Variants in DNAI7 observed in about 807,000 individuals in gnomAD.
DNAI7 encodes cancer susceptibility 1.
DNAI7 carries 78 observed loss-of-function variants against 86.6 expected under a neutral mutation model. The ratio of observed to expected loss-of-function variants is 0.90; its 90% CI spans 0.75 to 1.09. The LOEUF is 1.09. Ranked by LOEUF, DNAI7 falls within the 50% of genes least tolerant of loss-of-function variation. The pLI, the probability that DNAI7 is intolerant of heterozygous loss-of-function variation, is 0.00. For synonymous variants in DNAI7, 274 were observed against 273.0 expected (o/e 1.00, Z -0.04); for missense variants, 753 against 810.2 (o/e 0.93, Z 0.86).
At chr12:25,153,995 G>C (rs1945864050) in intron 6 of DNAI7, among the ~76,000 whole-genome samples, 1 of 152,084 alleles carries the variant, frequency 6.6e-6, no homozygotes, top group South Asian at 2.1e-4. Flanking sequence ...TTACTGAACA[G>C]TGGATATTCC....
At chr12:25,181,680 A>G (rs1949514835) in intron 2 of DNAI7, among the ~76,000 whole-genome samples, 2 of 151,288 alleles carry the variant, frequency 1.3e-5, no homozygotes, top group South Asian at 2.1e-4. Flanking sequence ...AAGGAACTTA[A>G]TAAGAAAAAA....
In DNAI7 at chr12:25,167,785, G is replaced by T. The variant is rs1273716254; in HGVS notation, c.22-6588C>A. On this transcript the variant is annotated intron_variant, in intron 2 of 15. Transcript: ENST00000395987. ...CATCAGCAAGCTGCCACCCTCCTCC[G>T]CACTTACTTAAAACACCTTTCTCCT... 2.0e-5 allele frequency among the ~76,000 whole-genome samples: 3 copies of T among 151,942 alleles called. No homozygotes were observed. In the East Asian group the frequency reaches 5.8e-4, roughly 29 times the overall value.
intron 2 of DNAI7, among the ~76,000 whole-genome samples, chr12:25,164,780 T>C (rs1040187350): frequency 1.4e-4 from 22 of 151,998 alleles, no homozygotes; most frequent in African/African-American, 5.3e-4. Flanking sequence ...TAATCTTTCT[T>C]TTCTACAGAC....
intron 2 of DNAI7, among the ~76,000 whole-genome samples, chr12:25,173,775 A>G (rs1948401877): frequency 6.6e-6 from 1 of 151,458 alleles, no homozygotes; most frequent in African/African-American, 2.4e-5. Flanking sequence ...CACAAATCAT[A>G]TATATACACA....
At position 25,144,682 on chromosome 12, in the gene DNAI7, TAATA is replaced by T. The variant is rs1944606199; in HGVS notation, c.690-9_690-6del. The T allele has an allele frequency of 1.3e-6, 2 of 1,598,522 alleles. No individual in the cohort carries two copies. Among genetic ancestry groups the T allele is most frequent in the South Asian group, 1.1e-5 (1 of 88,744 alleles). On this transcript the variant is annotated splice_polypyrimidine_tract_variant and splice_region_variant and intron_variant, in intron 8 of 15. Coordinates refer to ENST00000395987, the MANE Select transcript of DNAI7 (RefSeq NM_018272.5). Reference sequence around the variant, plus strand: ...GAGAATCTAACACTTCTGTGCCTGTTAATAATTAATTACAACAAAAAAAGATGAG... The same window carrying T: ...GAGAATCTAACACTTCTGTGCCTGTTATTAATTACAACAAAAAAAGATGAG...
At chr12:25,152,498 CA>C (rs1424086982) in intron 6 of DNAI7, among the ~76,000 whole-genome samples, 4 of 152,264 alleles carry the variant, frequency 2.6e-5, no homozygotes, top group Admixed American at 2.6e-4. Flanking sequence ...GGAAGCTCTA[CA>C]CTCCTCCCTA....
In DNAI7 at chr12:25,146,935, G is replaced by A. The variant is rs539946106; in HGVS notation, c.689+66C>T. On this transcript the variant is annotated intron_variant, in intron 8 of 15. Coordinates refer to ENST00000395987, the MANE Select transcript of DNAI7 (RefSeq NM_018272.5). ...GCTGCTATGCAATAGGCATCTATCT[G>A]GCAATCATGATGTGGCTCAATGTCT... 438 of 828,092 alleles carry A rather than the reference G, an allele frequency of 5.3e-4. 1 individual carries two copies. Among genetic ancestry groups the A allele is most frequent in the Admixed American group, 1.2e-3 (63 of 52,280 alleles). 51.3% of individuals were successfully genotyped at this position (828,092 alleles called of 1,614,324 possible).
At position 25,108,825 on chromosome 12, in the gene DNAI7, T is replaced by TAAAAAAAAAAGAAAAAAAAAAA. The variant is rs1949484712; in HGVS notation, c.1894-3_1894-2insTTTTTTTTTTTCTTTTTTTTTT. On this transcript the variant is annotated splice_polypyrimidine_tract_variant and splice_region_variant and intron_variant, in intron 15 of 15. Coordinates refer to ENST00000395987, the MANE Select transcript of DNAI7 (RefSeq NM_018272.5). ...TGCTTCAGTAAGGTGTTCCCTCACC[T>TAAAAAAAAAAGAAAAAAAAAAA]AAAAAAAAAAAAAATTCAAGCAAGT... 1.1e-5 allele frequency: 1 copy of TAAAAAAAAAAGAAAAAAAAAAA among 93,098 alleles called. No individual in the cohort carries two copies. The highest frequency in any genetic ancestry group is 2.0e-4 in the East Asian group (1 of 4,948). The allele number at this position is 93,098 out of a possible 1,614,324, so 5.8% of individuals were successfully genotyped here. A position where few individuals can be genotyped will look rare whatever the true frequency, so the allele number is the denominator to read the frequency against.
At chr12:25,134,171 T>C (rs1943259482) in intron 9 of DNAI7, among the ~76,000 whole-genome samples, 1 of 151,762 alleles carries the variant, frequency 6.6e-6, no homozygotes, top group South Asian at 2.1e-4. Context: ...CTTTTTTTGA[T>C]TTTTAGTACA....
chr12:25,145,468 C>A (rs1196108204), intron 8 of DNAI7, among the ~76,000 whole-genome samples: 1 of 152,078 alleles, frequency 6.6e-6, no homozygotes, highest in Non-Finnish European at 1.5e-5. Flanking sequence ...CAGAGCTATT[C>A]ATTTTATTTT....
chr12:25,163,447 A>G (rs1404102515), intron 2 of DNAI7, among the ~76,000 whole-genome samples: 1 of 152,188 alleles, frequency 6.6e-6, no homozygotes, highest in Non-Finnish European at 1.5e-5. Flanking sequence ...CTGCCAGAGA[A>G]CAACCCCTCT....
chr12:25,167,733 T>C (rs1947651666), intron 2 of DNAI7, among the ~76,000 whole-genome samples: 1 of 152,056 alleles, frequency 6.6e-6, no homozygotes, highest in Admixed American at 6.6e-5. Context: ...TCTAGACAGG[T>C]CCAGCAAGAC....
chr12:25,107,796 C>T, downstream of DNAI7: 1 of 1,599,408 alleles, frequency 6.3e-7, no homozygotes, highest in Non-Finnish European at 8.6e-7. Flanking sequence ...TTACCAAATT[C>T]TATTTGTGTT....
At chr12:25,153,889 C>T (rs1430904768) in intron 6 of DNAI7, among the ~76,000 whole-genome samples, 1 of 152,046 alleles carries the variant, frequency 6.6e-6, no homozygotes, top group African/African-American at 2.4e-5. Context: ...TTTGCAGGAA[C>T]AAAAGTTAGA....
intron 2 of DNAI7, among the ~76,000 whole-genome samples, chr12:25,183,398 GAAACCAATGCTCAAAAC>G (rs1197794239): frequency 9.9e-5 from 15 of 151,908 alleles, no homozygotes; most frequent in Admixed American, 9.8e-4. Flanking sequence ...GGCTTCTGCT[GAAACCAATGCTCAAAAC>G]AAAACAAATA....
At chr12:25,147,504 T>A (rs117936417) in intron 7 of DNAI7, among the ~76,000 whole-genome samples, 3,495 of 151,470 alleles carry the variant, frequency 0.023, 54 homozygotes, top group Non-Finnish European at 0.034. Flanking sequence ...AAAAATTAGC[T>A]GGGTGTGGTG....
rs1949285627 is a variant in DNAI7, at chr12:25,179,376, T to A, written c.21+11238A>T. Among the ~76,000 whole-genome samples the A allele has an allele frequency of 3.9e-5, 6 of 152,282 alleles. No homozygotes were observed. In the South Asian group the frequency reaches 1.2e-3, roughly 32 times the overall value. ...TTCTAAATATGTTTAATTCATTAGG[T>A]TTGTTTATCATGTTGCTCCAATCTT... On this transcript the variant is annotated intron_variant, in intron 2 of 15. Transcript: ENST00000395987.
chr12:25,168,729 T>G lies in DNAI7; in HGVS notation c.22-7532A>C, dbSNP rs532861400. On this transcript the variant is annotated intron_variant, in intron 2 of 15. Transcript: ENST00000395987. The stretch of plus-strand genomic sequence containing the variant: ...AAAACTTGCCAACCAAGCAAGTAAT[T>G]ACGCTGCACCCCCTGGGGCACTCTC... Among the ~76,000 whole-genome samples, 34 of 152,254 alleles carry G rather than the reference T, an allele frequency of 2.2e-4. 1 individual carries two copies. The highest frequency in any genetic ancestry group is 7.7e-4 in the African/African-American group (32 of 41,550).
intron 2 of DNAI7, among the ~76,000 whole-genome samples, chr12:25,166,069 C>G: frequency 6.6e-6 from 1 of 152,098 alleles, no homozygotes; most frequent in Non-Finnish European, 1.5e-5. Flanking sequence ...CCCTCCTTAG[C>G]AACTGATCAT....
Sources: gnomAD v4.1 joint callset for allele counts (sites outside exome capture counted in the v4.1 genomes callset) on GRCh38, gnomAD v4.1.1 for gene constraint, MANE v1.5 for transcripts, NCBI Gene and HGNC (gene_info 2026-07-23, HGNC 2026-07-21) for gene names.